The following CSMD2 variants were observed in gnomAD, a reference collection of about 807,000 sequenced individuals.
CSMD2 encodes CUB and sushi domain-containing protein 2.
In CSMD2, 130 loss-of-function variants were observed where a neutral mutation model predicts 398.5. The ratio of observed to expected loss-of-function variants is 0.33; its 90% CI spans 0.28 to 0.38. The LOEUF (loss-of-function observed/expected upper bound fraction) is 0.38, where lower values mean the gene tolerates loss of function less well. Ranked by LOEUF, CSMD2 falls within the 10% of genes least tolerant of loss-of-function variation. CSMD2 has a pLI of 1.00. For missense variants in CSMD2, 3,829 were observed against 4,764.9 expected (o/e 0.80, Z 5.78); for synonymous variants, 1,828 against 1,908.5 (o/e 0.96, Z 1.10).
chr1:33,935,565 GT>G (rs1305318337), intron 4 of CSMD2, among the ~76,000 whole-genome samples, 194 bp downstream of exon 4: 1 of 152,162 alleles, frequency 6.6e-6, no homozygotes, highest in East Asian at 1.9e-4. Flanking sequence ...ACACTTGAGG[GT>G]TAGGAGGTCA....
intron 66 of CSMD2, among the ~76,000 whole-genome samples, chr1:33,524,207 T>C (rs1654569137): frequency 6.6e-6 from 1 of 152,246 alleles, no homozygotes; most frequent in South Asian, 2.1e-4. Context: ...AGATATACTA[T>C]CATTAAAATA....
chr1:33,945,784 C>G (rs901619701), intron 3 of CSMD2, among the ~76,000 whole-genome samples: 1 of 152,186 alleles, frequency 6.6e-6, no homozygotes, highest in African/African-American at 2.4e-5. Context: ...TCTCCAGCAC[C>G]TGCCCTGCTG....
intron 40 of CSMD2, among the ~76,000 whole-genome samples, chr1:33,612,003 T>C (rs1641039974): frequency 6.6e-6 from 1 of 152,224 alleles, no homozygotes. Flanking sequence ...TGACAAATAG[T>C]ATGCTGTATA....
In CSMD2 at chr1:33,559,142, G is replaced by A. The variant is rs913073909; in HGVS notation, c.8554+158C>T. On this transcript the variant is annotated intron_variant, in intron 54 of 70. Transcript: ENST00000373381. The surrounding 1 kb of genome is among the most constrained non-coding windows in gnomAD (Gnocchi z 4.0). ...AATTTTATGTGGCTCTTTATCTAAG[G>A]GTTGAGAAAGTCCTCATTTATGACC... 3.9e-5 allele frequency among the ~76,000 whole-genome samples: 6 copies of A among 152,114 alleles called. No individual in the cohort carries two copies. Among genetic ancestry groups the A allele is most frequent in the African/African-American group, 1.4e-4 (6 of 41,414 alleles).
chr1:33,847,415 A>G (rs1638341981), intron 5 of CSMD2, among the ~76,000 whole-genome samples: 1 of 151,884 alleles, frequency 6.6e-6, no homozygotes, highest in Admixed American at 6.6e-5. Context: ...GCAGTAAAGC[A>G]TTCCCTACTC....
intron 10 of CSMD2, among the ~76,000 whole-genome samples, chr1:33,801,673 G>C (rs1655623016): frequency 1.3e-5 from 2 of 152,186 alleles, no homozygotes; most frequent in South Asian, 2.1e-4. Context: ...AAGTGCTGTA[G>C]GAACAGGAAG....
At chr1:34,084,286 G>A (rs1657605010) in intron 2 of CSMD2, among the ~76,000 whole-genome samples, 1 of 152,170 alleles carries the variant, frequency 6.6e-6, no homozygotes, top group African/African-American at 2.4e-5. Context: ...GGCCAGACCA[G>A]TCTCTGCTGA....
chr1:34,111,460 AG>A (rs1571156842), intron 1 of CSMD2, among the ~76,000 whole-genome samples: 1 of 152,224 alleles, frequency 6.6e-6, no homozygotes, highest in African/African-American at 2.4e-5. Context: ...GATCCAGCAC[AG>A]GGCTGCCACA....
chr1:33,660,446 T>A lies in CSMD2; in HGVS notation c.4256-2309A>T, dbSNP rs189579764. ...CAGGATGTTAGATGTTACACAGTCA[T>A]GTTTACTTAATAAAGCCAAGCCTGC... On this transcript the variant is annotated intron_variant, in intron 26 of 70. Coordinates refer to ENST00000373381, the MANE Select transcript of CSMD2 (RefSeq NM_001281956.2). Among the ~76,000 whole-genome samples the A allele has an allele frequency of 1.5e-4, 23 of 152,340 alleles. No individual in the cohort carries two copies. The East Asian group carries it at 1.9e-3, about 13-fold the overall frequency.
At chr1:33,742,340 T>C (rs556212748) in intron 14 of CSMD2, among the ~76,000 whole-genome samples, 1 of 152,090 alleles carries the variant, frequency 6.6e-6, no homozygotes, top group South Asian at 2.1e-4. Flanking sequence ...ATGCCAACGG[T>C]GGGAATGGGG....
At chr1:33,687,645 G>T (rs1225867726) in intron 25 of CSMD2, among the ~76,000 whole-genome samples, 1 of 152,000 alleles carries the variant, frequency 6.6e-6, no homozygotes, top group African/African-American at 2.4e-5. Flanking sequence ...ATAGCCCCTT[G>T]TACTCATTTC....
chr1:33,937,313 G>A (rs1333976112), intron 3 of CSMD2, among the ~76,000 whole-genome samples: 1 of 152,174 alleles, frequency 6.6e-6, no homozygotes, highest in Non-Finnish European at 1.5e-5. Flanking sequence ...CTTCCTGGAG[G>A]AGGTGACATC....
intron 15 of CSMD2, among the ~76,000 whole-genome samples, chr1:33,737,772 A>G (rs750429111): frequency 1.3e-5 from 2 of 152,206 alleles, no homozygotes; most frequent in Admixed American, 6.5e-5. Flanking sequence ...TCTACCAAGT[A>G]TCAAACAACA....
intron 6 of CSMD2, 141 bp downstream of exon 6, chr1:33,846,743 C>A: frequency 4.3e-6 from 2 of 470,400 alleles, no homozygotes; most frequent in Non-Finnish European, 7.5e-6. Context: ...ATCTGCAGAC[C>A]TCTGGTCTGC....
chr1:33,651,020 T>C (rs1477233332), intron 28 of CSMD2, among the ~76,000 whole-genome samples: 4 of 152,240 alleles, frequency 2.6e-5, no homozygotes, highest in Non-Finnish European at 4.4e-5. Context: ...TAGTTCATTC[T>C]TTTTTATTGC....
In CSMD2 at chr1:33,803,136, C is replaced by A. The variant is rs1232113602; in HGVS notation, c.1446+7607G>T. Among the ~76,000 whole-genome samples the A allele has an allele frequency of 8.5e-5, 13 of 152,194 alleles. 1 individual carries two copies. The highest frequency in any genetic ancestry group is 7.9e-4 in the Admixed American group (12 of 15,280). On this transcript the variant is annotated intron_variant, in intron 10 of 70. Coordinates refer to ENST00000373381, the MANE Select transcript of CSMD2 (RefSeq NM_001281956.2). ...AGACATGCCCTAGTTGGAAACTCTT[C>A]CTGTGTTTGCATCACGATTCTCCTC...
chr1:33,684,789 C>T (rs560054340), intron 25 of CSMD2, among the ~76,000 whole-genome samples: 10 of 152,348 alleles, frequency 6.6e-5, no homozygotes, highest in Non-Finnish European at 1.5e-4. Context: ...TGCTTCCTCC[C>T]TGTAGTCCAC....
At chr1:34,031,703 C>G (rs984751816) in intron 3 of CSMD2, among the ~76,000 whole-genome samples, 5 of 133,400 alleles carry the variant, frequency 3.7e-5, no homozygotes, top group African/African-American at 1.4e-4. Flanking sequence ...TTCTGTATTG[C>G]TATAGCTTCT....
chr1:34,054,245 T>C (rs1653561036), intron 2 of CSMD2, among the ~76,000 whole-genome samples: 1 of 152,184 alleles, frequency 6.6e-6, no homozygotes, highest in African/African-American at 2.4e-5. Context: ...TAATTTTTAA[T>C]ATCTTCTCTG....
Sources: gnomAD v4.1 joint callset for allele counts (sites outside exome capture counted in the v4.1 genomes callset) on GRCh38, gnomAD v4.1.1 for gene constraint, Gnocchi (gnomAD v3.1) non-coding constraint, MANE v1.5 for transcripts, NCBI Gene and HGNC (gene_info 2026-07-23, HGNC 2026-07-21) for gene names.